The following MEGF6 variants were observed in gnomAD, a reference collection of about 807,000 sequenced individuals.
MEGF6 encodes the protein multiple EGF like domains 6.
A neutral mutation model predicts 207.1 loss-of-function variants in MEGF6; 184 were observed. The observed-to-expected ratio is 0.89, with a 90% CI of 0.79 to 1.00. The LOEUF (loss-of-function observed/expected upper bound fraction) is 1.00, where lower values mean the gene tolerates loss of function less well. Ranked by LOEUF, MEGF6 falls within the 50% of genes least tolerant of loss-of-function variation. The probability of loss-of-function intolerance (pLI) is 0.00; values close to 1 mark genes in which losing one functional copy is unlikely to be tolerated. For missense variants in MEGF6, 2,282 were observed against 2,202.9 expected, an observed-to-expected ratio of 1.04 and a Z score of -0.72; for synonymous variants, 1,038 against 910.0, an observed-to-expected ratio of 1.14 and a Z score of -2.53.
chr1:3,513,216 T>C (rs1641416862), intron 7 of MEGF6, among the ~76,000 whole-genome samples: 1 of 152,118 alleles, frequency 6.6e-6, no homozygotes, highest in South Asian at 2.1e-4. Flanking sequence ...TTTATTTATT[T>C]ATTTATTTAT....
intron 4 of MEGF6, among the ~76,000 whole-genome samples, chr1:3,575,717 T>C (rs536010401): frequency 4.3e-4 from 65 of 152,262 alleles, no homozygotes; most frequent in Non-Finnish European, 7.1e-4. Flanking sequence ...ATGAGACTTA[T>C]TCACTATCAC....
At chr1:3,514,443 TG>T in intron 7 of MEGF6, 106 bp downstream of exon 7, 2 of 1,387,212 alleles carry the variant, frequency 1.4e-6, no homozygotes, top group Non-Finnish European at 1.9e-6. Context: ...CCAAAGGGCC[TG>T]GTCTCATGGG....
At chr1:3,543,385 C>T (rs112640692) in intron 4 of MEGF6, among the ~76,000 whole-genome samples, 1 of 152,240 alleles carries the variant, frequency 6.6e-6, no homozygotes, top group Non-Finnish European at 1.5e-5. Flanking sequence ...TCTCGGCTGC[C>T]GGCACCCCCT....
At chr1:3,506,085 C>T in intron 15 of MEGF6, 23 bp downstream of exon 15, 1 of 1,574,758 alleles carries the variant, frequency 6.4e-7, no homozygotes, top group Non-Finnish European at 8.6e-7. Context: ...ACCATGGACA[C>T]TGGAAGGGGC....
At chr1:3,613,830 C>T (rs989688884), upstream of MEGF6, among the ~76,000 whole-genome samples, 1 of 151,396 alleles carries the variant, frequency 6.6e-6, no homozygotes, top group African/African-American at 2.4e-5. Context: ...GTGCTCTCCC[C>T]TGTCCCAGGC....
Position 3,510,787 on chromosome 1 carries a change from A to G in MEGF6, c.1230T>C (p.Cys410=), listed in dbSNP as rs2821000. 0.096 allele frequency: 153,523 copies of G among 1,600,840 alleles called. 8,482 individuals are homozygous for G. The highest frequency in any genetic ancestry group is 0.18 in the Admixed American group (10,968 of 59,486). Residue 410 remains cysteine, a synonymous_variant, in exon 10 of 37, where the codon TGT becomes TGC. Transcript: ENST00000356575. The part of the protein sequence containing the change: ...GYRLSADGCG[C]EDVDECASSR... ...CAGTGGCAGGGCAGTGCTCACCCTCACAGCCGCAGCCATCGGCACTGAGCC... is the reference window on the plus strand; with the variant it reads ...CAGTGGCAGGGCAGTGCTCACCCTCGCAGCCGCAGCCATCGGCACTGAGCC...
chr1:3,523,986 G>A (rs936750940), intron 5 of MEGF6, 138 bp downstream of exon 5: 37 of 987,418 alleles, frequency 3.7e-5, no homozygotes, highest in East Asian at 8.0e-5. Context: ...GCCATGCTCC[G>A]CAGGAAGGAG....
At chr1:3,579,143 T>C (rs1643729987) in intron 4 of MEGF6, among the ~76,000 whole-genome samples, 1 of 152,142 alleles carries the variant, frequency 6.6e-6, no homozygotes, top group Non-Finnish European at 1.5e-5. Context: ...GAGGCCAGGA[T>C]GAAGAAACCC....
the MEGF6 span, among the ~76,000 whole-genome samples, chr1:3,620,690 T>C: frequency 1.6e-4 from 24 of 152,248 alleles, no homozygotes; most frequent in East Asian, 4.6e-3. Flanking sequence ...TTTCTCCCCA[T>C]GTGCAGAGAT....
At chr1:3,524,674 G>C (rs1310127330) in intron 4 of MEGF6, among the ~76,000 whole-genome samples, 2 of 152,238 alleles carry the variant, frequency 1.3e-5, no homozygotes, top group Non-Finnish European at 2.9e-5. Flanking sequence ...CCAGGCTGTG[G>C]GGGGAAGCCT....
chr1:3,570,826 G>C (rs1035754868), intron 4 of MEGF6, among the ~76,000 whole-genome samples: 1 of 152,172 alleles, frequency 6.6e-6, no homozygotes, highest in Non-Finnish European at 1.5e-5. Flanking sequence ...GCCTGCTCAG[G>C]AGGCTAGTCA....
chr1:3,517,000 C>T (rs1641565588), intron 5 of MEGF6, among the ~76,000 whole-genome samples: 1 of 152,218 alleles, frequency 6.6e-6, no homozygotes, highest in Non-Finnish European at 1.5e-5. Flanking sequence ...CTGTCCTGGC[C>T]CCCAGGCCCG....
At chr1:3,561,666 G>A (rs1290576031) in intron 4 of MEGF6, among the ~76,000 whole-genome samples, 2 of 152,158 alleles carry the variant, frequency 1.3e-5, no homozygotes, top group Non-Finnish European at 2.9e-5. Context: ...CGCATCCTGG[G>A]TGTGCCCTAG....
chr1:3,605,932 G>C (rs977704708), intron 1 of MEGF6, among the ~76,000 whole-genome samples: 1 of 152,172 alleles, frequency 6.6e-6, no homozygotes, highest in Non-Finnish European at 1.5e-5. Flanking sequence ...TGGCACCCCC[G>C]TGCTTCCTGC....
At chr1:3,495,763 G>T (rs2100856897) in intron 30 of MEGF6, 127 bp downstream of exon 30, 2 of 1,206,224 alleles carry the variant, frequency 1.7e-6, no homozygotes, top group African/African-American at 1.5e-5. Context: ...AGGGTCAAGT[G>T]GGGAGCTGGT....
chr1:3,492,312 G>C (rs1264810553), intron 35 of MEGF6, among the ~76,000 whole-genome samples: 3 of 152,162 alleles, frequency 2.0e-5, no homozygotes, highest in Admixed American at 2.0e-4. Flanking sequence ...CCCAGCCATG[G>C]GGTCATGACC....
rs372363400 is a variant in MEGF6 at position 3,499,238 on chromosome 1, A to T, written c.2994T>A (p.Asn998Lys). The change falls in exon 24 of 37, where the codon AAT becomes AAA. Residue 998 changes from asparagine to lysine, a missense_variant. Coordinates refer to ENST00000356575, the MANE Select transcript of MEGF6 (RefSeq NM_001409.4). ...TAAAGCAGGCACAGGCCTGGCTGCA[A>T]TTGTGCCCGTAGGTGTGGGCTGGGC... ...ETCPAHTYGHNCSQACACFNG... is the reference protein window; with the variant it reads ...ETCPAHTYGHKCSQACACFNG... 1.2e-6 allele frequency: 2 copies of T among 1,606,300 alleles called. No homozygotes were observed. The highest frequency in any genetic ancestry group is 1.7e-6 in the Non-Finnish European group (2 of 1,177,622).
chr1:3,622,370 C>T, the MEGF6 span, among the ~76,000 whole-genome samples: 106 of 152,258 alleles, frequency 7.0e-4, no homozygotes, highest in African/African-American at 2.1e-3. Context: ...CTTTGCCTTC[C>T]GCCATGATTG....
intron 17 of MEGF6, 79 bp downstream of exon 17, chr1:3,505,129 T>C: frequency 6.4e-7 from 1 of 1,557,380 alleles, no homozygotes; most frequent in South Asian, 1.2e-5. Context: ...GCAGCCCTTC[T>C]GAAGCCTACC....
Sources: gnomAD v4.1 joint callset for allele counts (sites outside exome capture counted in the v4.1 genomes callset) on GRCh38, gnomAD v4.1.1 for gene constraint, MANE v1.5 for transcripts, NCBI Gene and HGNC (gene_info 2026-07-23, HGNC 2026-07-21) for gene names.